Variants in PCDHGB3 observed in about 807,000 individuals in gnomAD.
The protein encoded by PCDHGB3 is protocadherin gamma subfamily B, 3, also known as protocadherin gamma-B3.
PCDHGB3 carries 40 observed loss-of-function variants against 59.2 expected under a neutral mutation model. The ratio of observed to expected loss-of-function variants is 0.68; its 90% CI spans 0.52 to 0.88. The LOEUF (loss-of-function observed/expected upper bound fraction) is 0.88, where lower values mean the gene tolerates loss of function less well. PCDHGB3 is among the 40% of genes least tolerant of loss of function. The pLI, the probability that PCDHGB3 is intolerant of heterozygous loss-of-function variation, is 0.00. For missense variants in PCDHGB3, 1,309 were observed against 1,187.9 expected (o/e 1.10, Z -1.50); for synonymous variants, 581 against 503.6 (o/e 1.15, Z -2.06).
At chr5:141,499,007 AG>A (rs2099788320) in intron 2 of PCDHGB3, among the ~76,000 whole-genome samples, 1 of 151,128 alleles carries the variant, frequency 6.6e-6, no homozygotes, top group Non-Finnish European at 1.5e-5. Flanking sequence ...GAAGGAAGGA[AG>A]GAAGGAAGGA....
At chr5:141,383,254 A>G (rs1482301595) in intron 1 of PCDHGB3, 1 of 1,613,948 alleles carries the variant, frequency 6.2e-7, no homozygotes, top group African/African-American at 1.3e-5. Context: ...TCTTTACCCT[A>G]TAGACGTGGA....
Position 141,485,713 on chromosome 5 carries a change from G to T in PCDHGB3, c.2416-9094G>T. On this transcript the variant is annotated intron_variant, in intron 1 of 3. Transcript: ENST00000576222. The surrounding 1 kb of genome is among the most constrained non-coding windows in gnomAD (Gnocchi z 5.7). ...TGAGCTCCAATGAACACTTTGCACT[G>T]GATGTGAAGAAGCGCAGCGACGGCA... 1 of 1,614,202 alleles carries T rather than the reference G, an allele frequency of 6.2e-7. No individual in the cohort carries two copies. The highest frequency in any genetic ancestry group is 8.5e-7 in the Non-Finnish European group (1 of 1,180,038).
At chr5:141,447,725 C>G (rs1009407606) in intron 1 of PCDHGB3, among the ~76,000 whole-genome samples, 4 of 152,174 alleles carry the variant, frequency 2.6e-5, no homozygotes, top group African/African-American at 9.7e-5. Context: ...TTTTCCAAAA[C>G]TCATTGAACT....
chr5:141,372,444 C>A lies in PCDHGB3; in HGVS notation c.2050C>A (p.Pro684Thr), dbSNP rs756100994. 1 of 1,614,058 alleles carries A rather than the reference C, an allele frequency of 6.2e-7. No individual in the cohort carries two copies. Among genetic ancestry groups the A allele is most frequent in the Non-Finnish European group, 8.5e-7 (1 of 1,179,906 alleles). The change falls in exon 1 of 4, where the codon CCT becomes ACT. Residue 684 changes from proline to threonine, a missense_variant. Transcript: ENST00000576222. ...TAGCGACCGCCCCACTCCCTCTGAC[C>A]CTCAGGCGGAGCTACAGTTTCACCT... The part of the protein sequence containing the change: ...DLSDRPTPSD[P>T]QAELQFHLVV...
chr5:141,455,660 G>A (rs1485792613), intron 1 of PCDHGB3, among the ~76,000 whole-genome samples: 1 of 152,134 alleles, frequency 6.6e-6, no homozygotes, highest in Non-Finnish European at 1.5e-5. Flanking sequence ...CCAGGAACTT[G>A]TGGGGCAAGG....
rs10038103 is a variant in PCDHGB3 at position 141,414,849 on chromosome 5, C to T, written c.2415+42040C>T. On this transcript the variant is annotated intron_variant, in intron 1 of 3. Transcript: ENST00000576222. ...TGTCGTTGAGCCTGTTTGTGCTGGA[C>T]CAGAACGACAATGCGCCCGAGATCC... The T allele has an allele frequency of 7.9e-4, 1,268 of 1,614,252 alleles. 15 individuals carry two copies. In the African/African-American group the frequency reaches 0.015, roughly 19 times the overall value.
At chr5:141,423,562 AC>A in intron 1 of PCDHGB3, 1 of 1,613,612 alleles carries the variant, frequency 6.2e-7, no homozygotes, top group Non-Finnish European at 8.5e-7. Flanking sequence ...CTATGGGGAC[AC>A]GCTCATCAGC....
Position 141,485,633 on chromosome 5 carries a change from T to C in PCDHGB3, c.2416-9174T>C. 2 of 1,611,808 alleles carry C rather than the reference T, an allele frequency of 1.2e-6. No homozygotes were observed. Among genetic ancestry groups the C allele is most frequent in the South Asian group, 1.1e-5 (1 of 90,962 alleles). On this transcript the variant is annotated intron_variant, in intron 1 of 3. Coordinates refer to ENST00000576222, the MANE Select transcript of PCDHGB3 (RefSeq NM_018924.5). The surrounding 1 kb of genome is among the most constrained non-coding windows in gnomAD (Gnocchi z 5.7). Reference sequence around the variant, plus strand: ...AGCTCCTCCAGGACAGCGTTTCCCGTTGGAAAAGGCTCAGGATGCAGATGT... The same window carrying C: ...AGCTCCTCCAGGACAGCGTTTCCCGCTGGAAAAGGCTCAGGATGCAGATGT...
chr5:141,482,747 G>T lies in PCDHGB3; in HGVS notation c.2416-12060G>T, dbSNP rs182945398. On this transcript the variant is annotated intron_variant, in intron 1 of 3. Transcript: ENST00000576222. ...CATTGCAAGAAATTCCATGCAGAGG[G>T]ATTATGGTATTTCATTATCACTGAA... Among the ~76,000 whole-genome samples, 567 of 128,410 alleles carry T rather than the reference G, an allele frequency of 4.4e-3. 2 individuals carry two copies. The highest frequency in any genetic ancestry group is 0.019 in the African/African-American group (533 of 28,666). The allele number at this position is 128,410 out of a possible 152,430, so 84.2% of individuals were successfully genotyped here. A position where few individuals can be genotyped will look rare whatever the true frequency, so the allele number is the denominator to read the frequency against.
At chr5:141,427,515 G>A (rs753526003) in intron 1 of PCDHGB3, 16 of 596,944 alleles carry the variant, frequency 2.7e-5, no homozygotes, top group African/African-American at 2.2e-4. Context: ...CCTGGATTGG[G>A]AGCGGATCCC....
chr5:141,423,564 G>A (rs2096754933), intron 1 of PCDHGB3: 2 of 1,613,444 alleles, frequency 1.2e-6, no homozygotes, highest in Non-Finnish European at 1.7e-6. Context: ...ATGGGGACAC[G>A]CTCATCAGCC....
intron 2 of PCDHGB3, among the ~76,000 whole-genome samples, chr5:141,501,984 G>A (rs989251578): frequency 2.0e-5 from 3 of 152,042 alleles, no homozygotes; most frequent in African/African-American, 4.8e-5. Context: ...ATCTGGTCCC[G>A]TTGTCTCCCT....
At chr5:141,383,559 G>C in intron 1 of PCDHGB3, 1 of 1,612,810 alleles carries the variant, frequency 6.2e-7, no homozygotes, top group Non-Finnish European at 8.5e-7. Context: ...GCGGCGACCC[G>C]CCCCGATCCA....
chr5:141,496,306 C>T (rs1380057886), intron 2 of PCDHGB3, among the ~76,000 whole-genome samples: 1 of 152,202 alleles, frequency 6.6e-6, no homozygotes, highest in South Asian at 2.1e-4. Flanking sequence ...ATAGGCTCTG[C>T]GCCAGGCCTC....
chr5:141,432,569 C>T lies in PCDHGB3; in HGVS notation c.2415+59760C>T. The T allele has an allele frequency of 6.2e-7, 1 of 1,613,920 alleles. No homozygotes were observed. On this transcript the variant is annotated intron_variant, in intron 1 of 3. Coordinates refer to ENST00000576222, the MANE Select transcript of PCDHGB3 (RefSeq NM_018924.5). This position sits in a 1 kb window ranked among gnomAD's most constrained non-coding sequence, Gnocchi z 6.0. ...CAGAGACTCCGGCCAGAACGCCTGG[C>T]TGTCCTACCGTCTGCTCAAGGCCAG...
intron 1 of PCDHGB3, chr5:141,378,221 G>C (rs1378453601): frequency 6.6e-6 from 1 of 152,182 alleles, no homozygotes; most frequent in Non-Finnish European, 1.5e-5. Context: ...CTGTGTGCCT[G>C]ATAGTATTTA....
intron 1 of PCDHGB3, chr5:141,413,526 G>T: frequency 6.2e-7 from 1 of 1,613,936 alleles, no homozygotes; most frequent in Non-Finnish European, 8.5e-7. Context: ...TGGAAGACAG[G>T]GTGAAACTTT....
chr5:141,374,622 T>A, intron 1 of PCDHGB3: 3 of 1,613,470 alleles, frequency 1.9e-6, no homozygotes, highest in Non-Finnish European at 2.5e-6. Context: ...CACTTCTCAG[T>A]GGACGTGCAA....
chr5:141,418,228 T>C, intron 1 of PCDHGB3: 2 of 1,613,990 alleles, frequency 1.2e-6, no homozygotes, highest in Non-Finnish European at 1.7e-6. Context: ...TTGTGGTGAT[T>C]GAGGATGTTA....
Sources: gnomAD v4.1 joint callset for allele counts (sites outside exome capture counted in the v4.1 genomes callset) on GRCh38, gnomAD v4.1.1 for gene constraint, Gnocchi (gnomAD v3.1) non-coding constraint, MANE v1.5 for transcripts, NCBI Gene and HGNC (gene_info 2026-07-23, HGNC 2026-07-21) for gene names.